XIRP2: variants seen among roughly 807,000 people sequenced by gnomAD.
The protein encoded by XIRP2 is xin actin binding repeat containing 2.
Under a neutral mutation model 277.0 loss-of-function variants are expected in XIRP2, and 236 were observed. The observed-to-expected ratio is 0.85, with a 90% CI of 0.77 to 0.95. The LOEUF is 0.95. XIRP2 is among the 40% of genes least tolerant of loss of function. The pLI is 0.00. For synonymous variants in XIRP2, 1,490 were observed against 1,416.5 expected (o/e 1.05, Z -1.17); for missense variants, 4,640 against 4,157.5 (o/e 1.12, Z -3.19).
At chr2:166,909,322 G>A (rs1684631821) in intron 2 of XIRP2, among the ~76,000 whole-genome samples, 1 of 152,128 alleles carries the variant, frequency 6.6e-6, no homozygotes, top group African/African-American at 2.4e-5. Context: ...TCCTTGAAGA[G>A]GTCCTTCACA....
chr2:167,115,906 G>C (rs1690885096), intron 2 of XIRP2, among the ~76,000 whole-genome samples: 1 of 152,134 alleles, frequency 6.6e-6, no homozygotes, highest in African/African-American at 2.4e-5. Context: ...TTGTTTAGAA[G>C]TGTATTGTTT....
intron 2 of XIRP2, among the ~76,000 whole-genome samples, chr2:167,105,869 C>A (rs1690604076): frequency 6.6e-6 from 1 of 151,666 alleles, no homozygotes; most frequent in Non-Finnish European, 1.5e-5. Context: ...ATTGTAATAT[C>A]TGATTAGGTT....
intron 2 of XIRP2, among the ~76,000 whole-genome samples, chr2:167,118,494 TAAAA>T (rs1159693789): frequency 4.5e-4 from 59 of 131,696 alleles, no homozygotes; most frequent in African/African-American, 1.2e-3. Context: ...TAAAATAAAA[TAAAA>T]TAAAATAAAA....
intron 2 of XIRP2, among the ~76,000 whole-genome samples, chr2:167,085,303 A>T (rs1461387041): frequency 6.6e-6 from 1 of 151,882 alleles, no homozygotes; most frequent in Non-Finnish European, 1.5e-5. Flanking sequence ...CTGTGGTCTG[A>T]GAGAGAGTTT....
At position 167,249,495 on chromosome 2, in the gene XIRP2, C is replaced by A; in HGVS notation, c.8103C>A (p.Ser2701Arg). ...KYLEQLHLPQ[S>R]KPISPNFKVK... ...TGGAGCAGTTGCACTTGCCCCAAAG[C>A]AAACCAATTTCCCCAAATTTCAAAG... The change falls in exon 9 of 11, where the codon AGC becomes AGA. Residue 2701 changes from serine (S) to arginine (R), a missense_variant. Transcript: ENST00000409195. 1 of 1,613,728 alleles carries A rather than the reference C, an allele frequency of 6.2e-7. No homozygotes were observed. Among genetic ancestry groups the A allele is most frequent in the Middle Eastern group, 1.7e-4 (1 of 6,060 alleles).
intron 2 of XIRP2, among the ~76,000 whole-genome samples, chr2:167,000,749 G>T (rs577212334): frequency 1.3e-5 from 2 of 152,030 alleles, no homozygotes; most frequent in East Asian, 3.9e-4. Flanking sequence ...TATTCCAATT[G>T]TTTCAAATTT....
Position 167,243,467 on chromosome 2 carries a change from T to A in XIRP2, c.2075T>A (p.Val692Glu). 1 of 1,613,954 alleles carries A rather than the reference T, an allele frequency of 6.2e-7. No individual in the cohort carries two copies. Among genetic ancestry groups the A allele is most frequent in the South Asian group, 1.1e-5 (1 of 91,064 alleles). ...ATAACTGGGGGGGATGTCAAGACTG[T>A]GAGATACATGTTTGAAACTCAACAT... The part of the protein sequence containing the change: ...KDITGGDVKT[V>E]RYMFETQHLD... Residue 692 changes from valine to glutamate, a missense_variant, in exon 9 of 11, where the codon GTG becomes GAG. Transcript: ENST00000409195.
At chr2:167,136,517 T>C (rs1035363340) in intron 3 of XIRP2, among the ~76,000 whole-genome samples, 14 of 152,182 alleles carry the variant, frequency 9.2e-5, no homozygotes, top group African/African-American at 3.4e-4. Context: ...GCATAATGAA[T>C]TTGGAATACA....
chr2:166,900,330 T>A lies in XIRP2; in HGVS notation c.-18-3135T>A, dbSNP rs79582852. Reference sequence around the variant, plus strand: ...CTCAATTCTAGAATTTTAATTCGTTTCTTCTTTGCGTCTTCTATTTGTTTG... The same window carrying A: ...CTCAATTCTAGAATTTTAATTCGTTACTTCTTTGCGTCTTCTATTTGTTTG... On this transcript the variant is annotated intron_variant, in intron 1 of 10. Coordinates refer to ENST00000409195, the MANE Select transcript of XIRP2 (RefSeq NM_152381.6). Among the ~76,000 whole-genome samples, 218 of 152,214 alleles carry A rather than the reference T, an allele frequency of 1.4e-3. 8 individuals carry two copies. The East Asian group carries it at 0.038, about 27-fold the overall frequency.
chr2:167,153,879 G>T (rs1354876184), intron 3 of XIRP2, among the ~76,000 whole-genome samples: 2 of 151,168 alleles, frequency 1.3e-5, no homozygotes, highest in Non-Finnish European at 2.9e-5. Flanking sequence ...ACATGTGCAT[G>T]TGTCTTTATA....
chr2:167,053,646 T>C (rs1263056418), intron 2 of XIRP2, among the ~76,000 whole-genome samples: 1 of 152,200 alleles, frequency 6.6e-6, no homozygotes, highest in Non-Finnish European at 1.5e-5. Flanking sequence ...TACCCAAAAT[T>C]CTTCCTTATT....
intron 2 of XIRP2, among the ~76,000 whole-genome samples, chr2:167,008,234 A>AT (rs1206199923): frequency 2.6e-5 from 4 of 151,054 alleles, no homozygotes; most frequent in Admixed American, 6.6e-5. Flanking sequence ...ACAAAACAAA[A>AT]TTTTTTTTTC....
intron 5 of XIRP2, among the ~76,000 whole-genome samples, chr2:167,227,122 T>C (rs1384191171): frequency 6.6e-6 from 1 of 152,162 alleles, no homozygotes; most frequent in Non-Finnish European, 1.5e-5. Context: ...CTTCTTGATT[T>C]CTGATCTGAG....
At chr2:167,189,296 G>T (rs1693254830) in intron 3 of XIRP2, among the ~76,000 whole-genome samples, 1 of 151,948 alleles carries the variant, frequency 6.6e-6, no homozygotes, top group Non-Finnish European at 1.5e-5. Flanking sequence ...ACAACTCTGG[G>T]TATTAAAAGA....
At chr2:167,231,454 G>A (rs1484555462) in intron 5 of XIRP2, among the ~76,000 whole-genome samples, 4 of 152,050 alleles carry the variant, frequency 2.6e-5, no homozygotes, top group South Asian at 2.1e-4. Flanking sequence ...ACTATGTTAT[G>A]TATTGTCAAA....
In XIRP2 at chr2:167,243,278, T is replaced by G; in HGVS notation, c.1886T>G (p.Leu629Arg). The change falls in exon 9 of 11, where the codon CTT (leucine) becomes CGT (arginine). Residue 629 changes from leucine to arginine, a missense_variant. Transcript: ENST00000409195. ...WMFETQPIDT[L>R]GAYSSDTVEN... The stretch of plus-strand genomic sequence containing the variant: ...TTTGAAACCCAACCCATCGACACAC[T>G]TGGGGCTTATTCTTCTGACACTGTA... The G allele has an allele frequency of 6.2e-7, 1 of 1,613,694 alleles. No homozygotes were observed.
intron 2 of XIRP2, among the ~76,000 whole-genome samples, chr2:166,909,528 G>C (rs926930076): frequency 6.6e-6 from 1 of 152,124 alleles, no homozygotes; most frequent in Non-Finnish European, 1.5e-5. Flanking sequence ...TGAGACAGTG[G>C]GGTTTTCTAG....
chr2:167,227,333 C>T (rs1285472297), intron 5 of XIRP2, among the ~76,000 whole-genome samples: 1 of 152,110 alleles, frequency 6.6e-6, no homozygotes, highest in East Asian at 1.9e-4. Context: ...TACTGATACT[C>T]TAATCCCAGG....
chr2:167,102,745 G>A (rs1264502716), intron 2 of XIRP2, among the ~76,000 whole-genome samples: 1 of 152,132 alleles, frequency 6.6e-6, no homozygotes, highest in Non-Finnish European at 1.5e-5. Context: ...GCCTGCGTTT[G>A]CACATGGATT....
Sources: gnomAD v4.1 joint callset for allele counts (sites outside exome capture counted in the v4.1 genomes callset) on GRCh38, gnomAD v4.1.1 for gene constraint, MANE v1.5 for transcripts, NCBI Gene and HGNC (gene_info 2026-07-23, HGNC 2026-07-21) for gene names.